PIWIL1: variants seen among roughly 807,000 people sequenced by gnomAD.
The protein encoded by PIWIL1 is piwi-like protein 1.
A neutral mutation model predicts 114.4 loss-of-function variants in PIWIL1; 73 were observed. The observed-to-expected ratio is 0.64, with a 90% CI of 0.53 to 0.78. PIWIL1 has a LOEUF of 0.78. PIWIL1 is among the 30% of genes least tolerant of loss of function. The pLI, the probability that PIWIL1 is intolerant of heterozygous loss-of-function variation, is 0.00. For missense variants in PIWIL1, 723 were observed against 1,063.1 expected, an observed-to-expected ratio of 0.68 and a Z score of 4.45; for synonymous variants, 375 against 369.0, an observed-to-expected ratio of 1.02 and a Z score of -0.19.
chr12:130,404,194 G>T, the PIWIL1 span, among the ~76,000 whole-genome samples: 6 of 152,262 alleles, frequency 3.9e-5, no homozygotes, highest in South Asian at 6.2e-4. Flanking sequence ...ATGATTTGTG[G>T]GGGACATGTA....
chr12:130,425,010 G>C, the PIWIL1 span: 1 of 425,892 alleles, frequency 2.3e-6, no homozygotes, highest in Admixed American at 4.4e-5. Flanking sequence ...GGGGCATGCC[G>C]TGGAGGGCTC....
At chr12:130,367,702 G>A (rs942047344) in intron 19 of PIWIL1, among the ~76,000 whole-genome samples, 1 of 152,190 alleles carries the variant, frequency 6.6e-6, no homozygotes, top group Non-Finnish European at 1.5e-5. Context: ...CTCACCGACC[G>A]CAAGAAAAGC....
the PIWIL1 span, chr12:130,399,568 G>C: frequency 8.0e-7 from 1 of 1,257,420 alleles, no homozygotes; most frequent in African/African-American, 1.5e-5. Context: ...AAAATTCAGG[G>C]TGTATTTACG....
the PIWIL1 span, among the ~76,000 whole-genome samples, chr12:130,382,325 A>C: frequency 6.6e-6 from 1 of 152,160 alleles, no homozygotes; most frequent in Non-Finnish European, 1.5e-5. Flanking sequence ...TGTGCCCCGG[A>C]GTCGTCTAGC....
intron 7 of PIWIL1, 22 bp from the exon 8 acceptor site, chr12:130,349,217 T>G: frequency 6.3e-7 from 1 of 1,597,398 alleles, no homozygotes; most frequent in Non-Finnish European, 8.6e-7. Context: ...AGGTTCTTCA[T>G]GACCCCCATC....
the PIWIL1 span, among the ~76,000 whole-genome samples, chr12:130,421,287 A>G: frequency 6.6e-6 from 1 of 152,240 alleles, no homozygotes; most frequent in Non-Finnish European, 1.5e-5. Context: ...AGTGCCATCA[A>G]TGTTCTGTGA....
chr12:130,339,007 A>C (rs909145981), intron 1 of PIWIL1, among the ~76,000 whole-genome samples: 7 of 151,862 alleles, frequency 4.6e-5, no homozygotes, highest in African/African-American at 1.5e-4. Context: ...GCTCTGCAGG[A>C]GGGCCTTCGG....
chr12:130,393,732 A>T, the PIWIL1 span, among the ~76,000 whole-genome samples: 6 of 152,176 alleles, frequency 3.9e-5, no homozygotes, highest in Non-Finnish European at 8.8e-5. Context: ...TTGCCTAGAT[A>T]TCTCTTTTCA....
At chr12:130,356,721 A>C (rs1338324295) in intron 12 of PIWIL1, among the ~76,000 whole-genome samples, 197 bp from the exon 13 acceptor site, 2 of 152,188 alleles carry the variant, frequency 1.3e-5, no homozygotes, top group East Asian at 3.8e-4. Flanking sequence ...AGTGTATTTT[A>C]AGTAAAATTG....
At chr12:130,370,026 T>C (rs573847610) in intron 19 of PIWIL1, among the ~76,000 whole-genome samples, 2 of 152,346 alleles carry the variant, frequency 1.3e-5, no homozygotes, top group South Asian at 2.1e-4. Flanking sequence ...ATTCCAGCCC[T>C]GGCATGATTT....
chr12:130,382,543 TGTC>T, the PIWIL1 span, among the ~76,000 whole-genome samples: 2 of 152,262 alleles, frequency 1.3e-5, no homozygotes, highest in Non-Finnish European at 2.9e-5. Context: ...CAAATGGATT[TGTC>T]GTCACTTTAA....
At chr12:130,344,898 C>T (rs2136131239) in intron 3 of PIWIL1, among the ~76,000 whole-genome samples, 1 of 152,236 alleles carries the variant, frequency 6.6e-6, no homozygotes, top group South Asian at 2.1e-4. Flanking sequence ...AAATTTTAGT[C>T]TATTAAGTAT....
the PIWIL1 span, chr12:130,414,595 C>T: frequency 1.9e-5 from 5 of 258,646 alleles, no homozygotes; most frequent in Non-Finnish European, 3.0e-5. Context: ...GCAGGGGCTG[C>T]GGCCGTGCCA....
At chr12:130,412,904 T>C in the PIWIL1 span, 1 of 1,013,808 alleles carries the variant, frequency 9.9e-7, no homozygotes, top group Non-Finnish European at 1.4e-6. Context: ...AGTTTAAAAA[T>C]ACCATAAATC....
the PIWIL1 span, among the ~76,000 whole-genome samples, chr12:130,420,001 G>A: frequency 6.6e-6 from 1 of 152,160 alleles, no homozygotes; most frequent in Non-Finnish European, 1.5e-5. The surrounding 1 kb of genome is among the most constrained non-coding windows in gnomAD (Gnocchi z 4.3). Flanking sequence ...AATAGGAAGT[G>A]TATGGTTTAC....
At chr12:130,420,308 C>CTG in the PIWIL1 span, among the ~76,000 whole-genome samples, 1 of 152,254 alleles carries the variant, frequency 6.6e-6, no homozygotes, top group African/African-American at 2.4e-5. This position sits in a 1 kb window ranked among gnomAD's most constrained non-coding sequence, Gnocchi z 4.3. Context: ...TCCCGGCTTG[C>CTG]TACATGATAA....
At chr12:130,375,519 T>C (rs572204687), downstream of PIWIL1, among the ~76,000 whole-genome samples, 13 of 152,326 alleles carry the variant, frequency 8.5e-5, no homozygotes, top group South Asian at 2.7e-3. Flanking sequence ...CCCGGTGTTG[T>C]GGCGGCACGC....
the PIWIL1 span, chr12:130,414,368 G>T: frequency 2.0e-6 from 3 of 1,481,182 alleles, no homozygotes; most frequent in East Asian, 6.9e-5. Flanking sequence ...GCGTGCACGG[G>T]AAATGCAGCT....
chr12:130,361,457 G>A (rs753127359), intron 15 of PIWIL1, 41 bp from the exon 16 acceptor site: 4 of 1,608,184 alleles, frequency 2.5e-6, no homozygotes, highest in Non-Finnish European at 3.4e-6. Flanking sequence ...AAATGTTGCT[G>A]GTACTCCATT....
Sources: allele counts gnomAD v4.1 joint callset (sites outside exome capture counted in the v4.1 genomes callset), GRCh38; gene constraint gnomAD v4.1.1; non-coding constraint Gnocchi (gnomAD v3.1); transcripts MANE v1.5; gene names NCBI Gene and HGNC (gene_info 2026-07-23, HGNC 2026-07-21).